The following KDM4C variants were observed in gnomAD, a reference collection of about 807,000 sequenced individuals.
The protein encoded by KDM4C is lysine demethylase 4C.
A neutral mutation model predicts 129.3 loss-of-function variants in KDM4C; 81 were observed. The ratio of observed to expected loss-of-function variants is 0.63; its 90% CI spans 0.52 to 0.75. The LOEUF (loss-of-function observed/expected upper bound fraction) is 0.75. Among genes scored for constraint, KDM4C ranks in the 30% least tolerant of loss-of-function variants. The probability of loss-of-function intolerance (pLI) is 0.00; values close to 1 mark genes in which losing one functional copy is unlikely to be tolerated. For synonymous variants in KDM4C, 573 were observed against 456.1 expected, an observed-to-expected ratio of 1.26 and a Z score of -3.26; for missense variants, 1,457 against 1,304.0, an observed-to-expected ratio of 1.12 and a Z score of -1.81.
intron 12 of KDM4C, among the ~76,000 whole-genome samples, chr9:7,010,898 G>A (rs1038187574): frequency 3.9e-5 from 6 of 152,006 alleles, no homozygotes; most frequent in Non-Finnish European, 8.8e-5. Flanking sequence ...AAAAAAATTC[G>A]CTAGGCATGG....
intron 5 of KDM4C, among the ~76,000 whole-genome samples, chr9:6,878,198 C>T (rs759788753): frequency 5.9e-5 from 9 of 152,070 alleles, no homozygotes; most frequent in Non-Finnish European, 8.8e-5. Flanking sequence ...ACATGTCTTC[C>T]GTGTACGGGG....
At chr9:7,171,331 C>G (rs1033180612) in intron 21 of KDM4C, among the ~76,000 whole-genome samples, 3 of 152,108 alleles carry the variant, frequency 2.0e-5, no homozygotes, top group African/African-American at 7.2e-5. Flanking sequence ...CCAAATCTTA[C>G]CAAGACCGAA....
chr9:7,075,326 G>C (rs1448285314), intron 17 of KDM4C, among the ~76,000 whole-genome samples: 1 of 152,158 alleles, frequency 6.6e-6, no homozygotes, highest in East Asian at 1.9e-4. Context: ...CATCACATGT[G>C]TTTTGTCTCT....
intron 19 of KDM4C, among the ~76,000 whole-genome samples, chr9:7,155,215 G>A (rs1440206205): frequency 6.6e-6 from 1 of 152,166 alleles, no homozygotes; most frequent in Non-Finnish European, 1.5e-5. Context: ...CCTGGTTCCT[G>A]GTGCTGAACC....
At chr9:7,125,618 C>T (rs769506248) in intron 18 of KDM4C, among the ~76,000 whole-genome samples, 1 of 152,106 alleles carries the variant, frequency 6.6e-6, no homozygotes, top group Non-Finnish European at 1.5e-5. Context: ...TTGAAATTCA[C>T]GGGGGAAACA....
chr9:6,834,043 CT>C lies in KDM4C; in HGVS notation c.436-15449del, dbSNP rs71487860. 2.4e-3 allele frequency among the ~76,000 whole-genome samples: 264 copies of C among 109,316 alleles called. 2 individuals are homozygous for C. Among genetic ancestry groups the C allele is most frequent in the Admixed American group, 2.4e-3 (23 of 9,420 alleles). 71.7% of individuals were successfully genotyped at this position (109,316 alleles called of 152,430 possible). A position where few individuals can be genotyped will look rare whatever the true frequency, so the allele number is the denominator to read the frequency against. ...CATGGGATATGACTCAAGAGATAGT[CT>C]TTTTTTTTTTTTTTAAGATAGTCTT... On this transcript the variant is annotated intron_variant, in intron 4 of 21. Coordinates refer to ENST00000381309, the MANE Select transcript of KDM4C (RefSeq NM_015061.6).
At chr9:7,066,289 T>C (rs573133143) in intron 17 of KDM4C, among the ~76,000 whole-genome samples, 1 of 152,274 alleles carries the variant, frequency 6.6e-6, no homozygotes, top group South Asian at 2.1e-4. Flanking sequence ...CAGAAGGATG[T>C]ATGGTATCCC....
chr9:7,137,798 C>T (rs1841364892), intron 19 of KDM4C, among the ~76,000 whole-genome samples: 2 of 152,214 alleles, frequency 1.3e-5, no homozygotes, highest in South Asian at 4.1e-4. Flanking sequence ...CAGGATATAG[C>T]ACATAAATTG....
At chr9:7,103,059 T>G (rs1837282289) in intron 17 of KDM4C, among the ~76,000 whole-genome samples, 1 of 152,210 alleles carries the variant, frequency 6.6e-6, no homozygotes, top group Admixed American at 6.5e-5. Flanking sequence ...TTCAACCAAA[T>G]TATGCCCTTT....
chr9:6,944,390 C>T (rs1826495312), intron 8 of KDM4C, among the ~76,000 whole-genome samples: 1 of 152,130 alleles, frequency 6.6e-6, no homozygotes, highest in Non-Finnish European at 1.5e-5. Flanking sequence ...ATGGCACTTC[C>T]TTTTAATAGT....
chr9:6,805,823 A>G, intron 3 of KDM4C, 49 bp downstream of exon 3: 2 of 1,533,654 alleles, frequency 1.3e-6, no homozygotes, highest in Non-Finnish European at 1.8e-6. Flanking sequence ...GATTTATGTA[A>G]ATATGTTAAG....
Position 7,158,207 on chromosome 9 carries a change from T to A in KDM4C, c.2782-7031T>A, listed in dbSNP as rs553058320. On this transcript the variant is annotated intron_variant, in intron 19 of 21. Coordinates refer to ENST00000381309, the MANE Select transcript of KDM4C (RefSeq NM_015061.6). ...TGGGATCAGTGGTGATATCCCCTTT[T>A]TCATTTTTTATTGCATCTATGTGAT... 2.8e-4 allele frequency among the ~76,000 whole-genome samples: 42 copies of A among 152,316 alleles called. 1 individual carries two copies. The highest frequency in any genetic ancestry group is 4.6e-4 in the Admixed American group (7 of 15,308).
chr9:6,925,868 A>C (rs1343735207), intron 8 of KDM4C, among the ~76,000 whole-genome samples: 3 of 152,156 alleles, frequency 2.0e-5, no homozygotes, highest in Non-Finnish European at 4.4e-5. Flanking sequence ...ATTTTATGAA[A>C]GGGCATTGGG....
At chr9:6,746,146 A>G (rs1003354791) in intron 1 of KDM4C, among the ~76,000 whole-genome samples, 6 of 151,022 alleles carry the variant, frequency 4.0e-5, no homozygotes, top group Non-Finnish European at 7.4e-5. Flanking sequence ...TCACTATGTT[A>G]ACCAGGCTGG....
chr9:6,988,475 A>G (rs2760650), intron 11 of KDM4C, among the ~76,000 whole-genome samples: 124,663 of 151,512 alleles, frequency 0.82, 52,084 homozygotes, highest in Non-Finnish European at 0.89. Flanking sequence ...TGTAAGAACA[A>G]CTGCATGACA....
chr9:6,828,338 G>A (rs1440970752), intron 4 of KDM4C, among the ~76,000 whole-genome samples: 1 of 151,874 alleles, frequency 6.6e-6, no homozygotes, highest in African/African-American at 2.4e-5. Flanking sequence ...TAGTAGAGAC[G>A]GGGTTTCACC....
At chr9:6,900,048 AT>A (rs1817122840) in intron 8 of KDM4C, among the ~76,000 whole-genome samples, 2 of 152,258 alleles carry the variant, frequency 1.3e-5, no homozygotes, top group African/African-American at 4.8e-5. Flanking sequence ...TAGTAATAAT[AT>A]TTGACATTGT....
chr9:6,971,271 T>C (rs1462603904), intron 8 of KDM4C, among the ~76,000 whole-genome samples: 1 of 152,184 alleles, frequency 6.6e-6, no homozygotes, highest in African/African-American at 2.4e-5. Context: ...AAGTGGTCTT[T>C]ACTGCTTGGC....
At position 7,056,630 on chromosome 9, in the gene KDM4C, A is replaced by G. The variant is rs567493861; in HGVS notation, c.2424+7430A>G. ...CTGTTGAGAGAAAAACTGTGAGACA[A>G]AAGGAAATTGACTGGAGCCTTTAAA... On this transcript the variant is annotated intron_variant, in intron 17 of 21. Coordinates refer to ENST00000381309, the MANE Select transcript of KDM4C (RefSeq NM_015061.6). 5.3e-5 allele frequency among the ~76,000 whole-genome samples: 8 copies of G among 152,362 alleles called. No individual in the cohort carries two copies. In the South Asian group the frequency reaches 1.7e-3, roughly 32 times the overall value.
Sources: gnomAD v4.1 joint callset for allele counts (sites outside exome capture counted in the v4.1 genomes callset) on GRCh38, gnomAD v4.1.1 for gene constraint, MANE v1.5 for transcripts, NCBI Gene and HGNC (gene_info 2026-07-23, HGNC 2026-07-21) for gene names.